Variants in ATP11B observed in about 807,000 individuals in gnomAD.
ATP11B encodes the protein ATPase phospholipid transporting 11B (putative), also known as phospholipid-transporting ATPase IF.
Under a neutral mutation model 157.8 loss-of-function variants are expected in ATP11B, and 81 were observed. The ratio of observed to expected loss-of-function variants is 0.51; its 90% CI spans 0.43 to 0.62. The LOEUF is 0.62. ATP11B is among the 20% of genes least tolerant of loss of function. The probability of loss-of-function intolerance (pLI) is 0.00; values close to 1 mark genes in which losing one functional copy is unlikely to be tolerated. For synonymous variants in ATP11B, 451 were observed against 469.4 expected, an observed-to-expected ratio of 0.96 and a Z score of 0.51; for missense variants, 1,165 against 1,402.2, an observed-to-expected ratio of 0.83 and a Z score of 2.70.
chr3:182,907,953 G>C (rs1383805886), intron 28 of ATP11B, among the ~76,000 whole-genome samples: 1 of 152,098 alleles, frequency 6.6e-6, no homozygotes, highest in African/African-American at 2.4e-5. Context: ...AATGATAAGT[G>C]AATTCTCTCT....
At chr3:182,902,464 T>C (rs1724033040) in intron 28 of ATP11B, 2 of 1,284,586 alleles carry the variant, frequency 1.6e-6, no homozygotes, top group Admixed American at 4.6e-5. Context: ...GTCCATCCCT[T>C]TTCTGTCCAC....
In ATP11B at chr3:182,837,120, T is replaced by G; in HGVS notation, c.602T>G (p.Leu201Trp). The change falls in exon 7 of 30, where the codon TTG becomes TGG. Residue 201 changes from leucine (L) to tryptophan (W), a missense_variant. Leu to Trp is a moderately conservative substitution (Grantham distance 61). This residue lies in a region of ATP11B where 737 missense variants were observed against 930.5 expected (regional missense o/e 0.79). Coordinates refer to ENST00000323116, the MANE Select transcript of ATP11B (RefSeq NM_014616.3). ...GCATTATTACAAACAGTTGCCAATT[T>G]GGACACTCTAGTAGCTGTAATAGAA... ...ETALLQTVAN[L>W]DTLVAVIECQ... 1 of 1,613,596 alleles carries G rather than the reference T, an allele frequency of 6.2e-7. No homozygotes were observed. The highest frequency in any genetic ancestry group is 8.5e-7 in the Non-Finnish European group (1 of 1,179,656).
At chr3:182,909,750 C>T (rs2108593293) in intron 28 of ATP11B, among the ~76,000 whole-genome samples, 1 of 152,254 alleles carries the variant, frequency 6.6e-6, no homozygotes, top group South Asian at 2.1e-4. Context: ...TACAGAAACA[C>T]AGCCAACATT....
chr3:182,865,516 G>T lies in ATP11B; in HGVS notation c.1261G>T (p.Glu421Ter). 1 of 1,613,728 alleles carries T rather than the reference G, an allele frequency of 6.2e-7. No individual in the cohort carries two copies. Among genetic ancestry groups the T allele is most frequent in the Non-Finnish European group, 8.5e-7 (1 of 1,179,776 alleles). Residue 421 changes from glutamate (E) to a stop codon, truncating the protein, a stop_gained, in exon 13 of 30, where the codon GAA (glutamate) becomes TAA (stop). Transcript: ENST00000323116. LOFTEE classifies it high-confidence loss of function. ...GACAGAAAATGAGATGCAGTTTCGG[G>T]AATGTTCAATTAATGGCATGAAATA... is the stretch of plus-strand genomic sequence containing the variant. ...TLTENEMQFRECSINGMKYQE... is the reference protein window; with the variant it reads ...TLTENEMQFR
intron 7 of ATP11B, among the ~76,000 whole-genome samples, chr3:182,839,379 A>G (rs1345953523): frequency 6.6e-6 from 1 of 152,158 alleles, no homozygotes; most frequent in Non-Finnish European, 1.5e-5. Flanking sequence ...AACCTTTGTG[A>G]CACAAGTTTA....
intron 9 of ATP11B, 114 bp from the exon 10 acceptor site, chr3:182,848,362 A>G (rs76014897): frequency 1.7e-6 from 1 of 574,780 alleles, no homozygotes. Context: ...GAAAAGCAAA[A>G]TTATAACAAC....
intron 12 of ATP11B, among the ~76,000 whole-genome samples, chr3:182,863,879 A>C (rs1415226138): frequency 6.6e-6 from 1 of 151,996 alleles, no homozygotes; most frequent in Admixed American, 6.6e-5. Context: ...TGTATAACTC[A>C]TCCCTCATTC....
chr3:182,831,540 A>G (rs1361319738), intron 4 of ATP11B, among the ~76,000 whole-genome samples: 1 of 151,028 alleles, frequency 6.6e-6, no homozygotes, highest in African/African-American at 2.4e-5. Flanking sequence ...AAAGACGTAC[A>G]GAGTCTAGAC....
chr3:182,868,812 A>G (rs1000261570), intron 15 of ATP11B, among the ~76,000 whole-genome samples: 3 of 152,178 alleles, frequency 2.0e-5, no homozygotes, highest in Non-Finnish European at 2.9e-5. Flanking sequence ...TAAAAATGAG[A>G]TAAGACCTAC....
chr3:182,882,115 G>T (rs1358801917), intron 21 of ATP11B, among the ~76,000 whole-genome samples: 5 of 152,132 alleles, frequency 3.3e-5, no homozygotes, highest in Non-Finnish European at 7.4e-5. Flanking sequence ...TGAGAGTTAA[G>T]CTAATTCCTG....
rs1724250564 is a variant in ATP11B, at chr3:182,905,083, G to T, written c.3318+6311G>T. Among the ~76,000 whole-genome samples, 3 of 152,018 alleles carry T rather than the reference G, an allele frequency of 2.0e-5. No individual in the cohort carries two copies. In the South Asian group the frequency reaches 6.2e-4, roughly 32 times the overall value. On this transcript the variant is annotated intron_variant, in intron 28 of 29. Transcript: ENST00000323116. ...TTCTGCTTAGTTTTTGTTTATGTCA[G>T]AAATTCAGCATTGCATCTTTCATAG...
chr3:182,868,935 A>G (rs1432698620), intron 15 of ATP11B, 143 bp from the exon 16 acceptor site: 1 of 568,924 alleles, frequency 1.8e-6, no homozygotes, highest in Admixed American at 3.5e-5. Context: ...TATTAATGGC[A>G]TGTAACCTAT....
At chr3:182,843,351 AT>A (rs1719199550) in intron 8 of ATP11B, among the ~76,000 whole-genome samples, 1 of 152,230 alleles carries the variant, frequency 6.6e-6, no homozygotes, top group South Asian at 2.1e-4. Flanking sequence ...AGGTAGTAAT[AT>A]TAAAAGGAAA....
chr3:182,837,643 T>TA (rs1176815176), intron 7 of ATP11B, among the ~76,000 whole-genome samples: 1 of 152,018 alleles, frequency 6.6e-6, no homozygotes, highest in Non-Finnish European at 1.5e-5. Flanking sequence ...CATAATAAAG[T>TA]AAAAAATAAT....
chr3:182,905,894 A>C, intron 28 of ATP11B: 2 of 456,618 alleles, frequency 4.4e-6, no homozygotes, highest in Non-Finnish European at 8.8e-6. Flanking sequence ...GCTTGCAGCC[A>C]GCAGGACAGT....
chr3:182,913,574 A>T (rs1180720544), intron 28 of ATP11B, among the ~76,000 whole-genome samples: 9 of 152,234 alleles, frequency 5.9e-5, no homozygotes, highest in Admixed American at 2.0e-4. Context: ...TTTTGACCAT[A>T]ATAAATGATT....
intron 19 of ATP11B, among the ~76,000 whole-genome samples, chr3:182,877,470 C>T (rs1230849896): frequency 1.3e-5 from 2 of 152,116 alleles, no homozygotes; most frequent in Non-Finnish European, 2.9e-5. Context: ...AGTGAAACCC[C>T]GTCTCTACAA....
intron 5 of ATP11B, 87 bp downstream of exon 5, chr3:182,836,229 G>T: frequency 6.4e-7 from 1 of 1,562,794 alleles, no homozygotes; most frequent in South Asian, 1.1e-5. Flanking sequence ...TTAGTTAAAA[G>T]CCTACTTTCC....
In ATP11B at chr3:182,919,802, TAA is replaced by T. The variant is rs1473742503; in HGVS notation, c.*1699_*1700del. The T allele has an allele frequency of 3.3e-5, 5 of 152,220 alleles. No individual in the cohort carries two copies. The highest frequency in any genetic ancestry group is 7.2e-5 in the African/African-American group (3 of 41,454). 9.4% of individuals were successfully genotyped at this position (152,220 alleles called of 1,614,324 possible). A position where few individuals can be genotyped will look rare whatever the true frequency, so the allele number is the denominator to read the frequency against. ...GTCTGTTCCAGTGATGTAAGGATAT[TAA>T]GTTATTAAGCTAAATATTAATTTTC... On this transcript the variant is annotated 3_prime_UTR_variant, in exon 30 of 30. Coordinates refer to ENST00000323116, the MANE Select transcript of ATP11B (RefSeq NM_014616.3).
Sources: gnomAD v4.1 joint callset for allele counts (sites outside exome capture counted in the v4.1 genomes callset) on GRCh38, gnomAD v4.1.1 for gene constraint, gnomAD v4.1.1 regional missense constraint, MANE v1.5 for transcripts, NCBI Gene and HGNC (gene_info 2026-07-23, HGNC 2026-07-21) for gene names.